CXCL13: variants seen among roughly 807,000 people sequenced by gnomAD.
The protein encoded by CXCL13 is C-X-C motif chemokine 13.
Under a neutral mutation model 12.2 loss-of-function variants are expected in CXCL13, and 7 were observed. The ratio of observed to expected loss-of-function variants is 0.57; its 90% confidence interval spans 0.33 to 1.07. The LOEUF is 1.07. Ranked by LOEUF, CXCL13 falls within the 50% of genes least tolerant of loss-of-function variation. The probability of loss-of-function intolerance (pLI) is 0.04; values close to 1 mark genes in which losing one functional copy is unlikely to be tolerated. For synonymous variants in CXCL13, 47 were observed against 42.4 expected (o/e 1.11, Z -0.42); for missense variants, 113 against 127.4 (o/e 0.89, Z 0.55).
At chr4:77,552,637 T>A (rs905046333) in intron 1 of CXCL13, among the ~76,000 whole-genome samples, 2 of 152,216 alleles carry the variant, frequency 1.3e-5, no homozygotes, top group African/African-American at 4.8e-5. Flanking sequence ...GGTCCCCTGA[T>A]GGCAGACACA....
intron 1 of CXCL13, among the ~76,000 whole-genome samples, chr4:77,532,821 C>T (rs1724962706): frequency 6.6e-6 from 1 of 152,212 alleles, no homozygotes; most frequent in African/African-American, 2.4e-5. Context: ...GATACCCTTT[C>T]TTCCAGTCAA....
At chr4:77,547,547 A>G (rs1725397506) in intron 1 of CXCL13, among the ~76,000 whole-genome samples, 1 of 152,008 alleles carries the variant, frequency 6.6e-6, no homozygotes, top group Non-Finnish European at 1.5e-5. Flanking sequence ...AGAGACTAGG[A>G]TTGCAACCCC....
At chr4:77,516,784 A>G (rs1368080076) in intron 1 of CXCL13, among the ~76,000 whole-genome samples, 1 of 152,052 alleles carries the variant, frequency 6.6e-6, no homozygotes, top group Non-Finnish European at 1.5e-5. Flanking sequence ...AATTTTTTGA[A>G]GGGTTTTTGT....
chr4:77,570,350 A>G (rs1259847161), intron 1 of CXCL13, among the ~76,000 whole-genome samples: 1 of 152,210 alleles, frequency 6.6e-6, no homozygotes, highest in African/African-American at 2.4e-5. Flanking sequence ...ATGGGAGAAA[A>G]TTTTTGCAAT....
At chr4:77,573,212 T>C (rs1031168379) in intron 1 of CXCL13, among the ~76,000 whole-genome samples, 9 of 151,804 alleles carry the variant, frequency 5.9e-5, no homozygotes, top group African/African-American at 2.2e-4. Flanking sequence ...GTAACAAACC[T>C]GCACATGTAC....
rs117762626 is a variant in CXCL13, at chr4:77,587,955, A to G, written c.-42-17869A>G. The stretch of plus-strand genomic sequence containing the variant: ...GAGGCAGCCCTCACAAGTGACCAGC[A>G]CTTGTCACTACCCTGTCCTTGCCTG... On this transcript the variant is annotated intron_variant, in intron 1 of 4. Coordinates refer to the CXCL13 transcript ENST00000286758. 1.4e-3 allele frequency among the ~76,000 whole-genome samples: 207 copies of G among 152,312 alleles called. 7 individuals carry two copies. In the East Asian group the frequency reaches 0.035, roughly 26 times the overall value.
rs150506053 is a variant in CXCL13 at position 77,532,406 on chromosome 4, G to A, written c.-43+20618G>A. 1.5e-3 allele frequency among the ~76,000 whole-genome samples: 231 copies of A among 152,294 alleles called. 1 individual carries two copies. The highest frequency in any genetic ancestry group is 5.1e-3 in the African/African-American group (214 of 41,560). On this transcript the variant is annotated intron_variant, in intron 1 of 4. Transcript: ENST00000286758. Reference sequence around the variant, plus strand: ...TCTTCTGGCTTATAGAATTTCTGCCGAGAAATCAGCTGTTAGTCTGATGGG... The same window carrying A: ...TCTTCTGGCTTATAGAATTTCTGCCAAGAAATCAGCTGTTAGTCTGATGGG...
intron 1 of CXCL13, among the ~76,000 whole-genome samples, chr4:77,518,494 CT>C (rs1560512626): frequency 6.6e-6 from 1 of 152,148 alleles, no homozygotes; most frequent in African/African-American, 2.4e-5. Context: ...TTGTTCATTT[CT>C]TTTTATTCTT....
intron 1 of CXCL13, among the ~76,000 whole-genome samples, chr4:77,583,419 A>G (rs929814451): frequency 1.3e-5 from 2 of 152,228 alleles, no homozygotes; most frequent in Admixed American, 6.5e-5. Flanking sequence ...AGACTCAAGC[A>G]TGACCACTGT....
At chr4:77,520,808 A>G (rs994313824) in intron 1 of CXCL13, among the ~76,000 whole-genome samples, 1 of 152,224 alleles carries the variant, frequency 6.6e-6, no homozygotes, top group Non-Finnish European at 1.5e-5. Flanking sequence ...TTCAAAGAGA[A>G]TGCTTCCAGT....
intron 1 of CXCL13, among the ~76,000 whole-genome samples, chr4:77,531,548 G>A (rs1288737253): frequency 2.0e-5 from 3 of 152,020 alleles, no homozygotes; most frequent in African/African-American, 7.2e-5. Context: ...GAGTTCTGTA[G>A]GTGTCTATTA....
At chr4:77,525,918 TTG>T (rs1491437380) in intron 1 of CXCL13, among the ~76,000 whole-genome samples, 8,083 of 138,304 alleles carry the variant, frequency 0.058, 295 homozygotes, top group East Asian at 0.13. Context: ...AATTGTGGGT[TTG>T]TTTTTTTTTT....
At chr4:77,544,259 C>G (rs1409645355) in intron 1 of CXCL13, among the ~76,000 whole-genome samples, 1 of 152,108 alleles carries the variant, frequency 6.6e-6, no homozygotes, top group African/African-American at 2.4e-5. Context: ...TGGGCATATA[C>G]CAAGTAATGG....
intron 1 of CXCL13, among the ~76,000 whole-genome samples, chr4:77,560,150 G>GTA (rs1353428906): frequency 8.5e-5 from 13 of 152,060 alleles, no homozygotes; most frequent in Admixed American, 5.2e-4. Flanking sequence ...CTGTGCAAGG[G>GTA]TATATATATG....
chr4:77,543,954 G>A (rs1389672455), intron 1 of CXCL13, among the ~76,000 whole-genome samples: 2 of 152,120 alleles, frequency 1.3e-5, no homozygotes, highest in East Asian at 1.9e-4. Flanking sequence ...GTGTCCAAAT[G>A]TTCTCATTGT....
At chr4:77,577,607 C>T (rs114885130) in intron 1 of CXCL13, among the ~76,000 whole-genome samples, 2,307 of 152,202 alleles carry the variant, frequency 0.015, 63 homozygotes, top group African/African-American at 0.052. Flanking sequence ...GGAGGTAGGA[C>T]GTACATGGGT....
chr4:77,576,847 C>T (rs751480819), intron 1 of CXCL13, among the ~76,000 whole-genome samples: 6 of 152,146 alleles, frequency 3.9e-5, no homozygotes, highest in African/African-American at 7.2e-5. Context: ...CAAACAACTC[C>T]GTCCTATCAT....
intron 1 of CXCL13, among the ~76,000 whole-genome samples, chr4:77,545,961 C>A (rs1725351595): frequency 6.6e-6 from 1 of 152,074 alleles, no homozygotes; most frequent in Non-Finnish European, 1.5e-5. Flanking sequence ...GAGCGAAGGG[C>A]TGTTGAATTT....
chr4:77,559,749 C>G (rs184906155), intron 1 of CXCL13, among the ~76,000 whole-genome samples: 1 of 151,874 alleles, frequency 6.6e-6, no homozygotes, highest in Non-Finnish European at 1.5e-5. Flanking sequence ...TGTGAAACCC[C>G]GTCTCTACTA....
Sources: gnomAD v4.1 joint callset for allele counts (sites outside exome capture counted in the v4.1 genomes callset) on GRCh38, gnomAD v4.1.1 for gene constraint, MANE v1.5 for transcripts, NCBI Gene and HGNC (gene_info 2026-07-23, HGNC 2026-07-21) for gene names.